Variants in LGALS3 observed in about 807,000 individuals in gnomAD.
The protein encoded by LGALS3 is galectin 3, also known as galectin-3.
In LGALS3, 18 loss-of-function variants were observed where a neutral mutation model predicts 20.7. The observed-to-expected ratio is 0.87, with a 90% CI of 0.60 to 1.29. The LOEUF is 1.29. Ranked by LOEUF, LGALS3 falls within the 50% of genes most tolerant of loss-of-function variation. LGALS3 has a pLI of 0.00. For synonymous variants in LGALS3, 112 were observed against 119.6 expected (o/e 0.94, Z 0.42); for missense variants, 315 against 314.7 (o/e 1.00, Z -0.01).
Position 55,142,697 on chromosome 14 carries a change from G to T in LGALS3, c.545G>T (p.Gly182Val). 6.2e-7 allele frequency: 1 copy of T among 1,613,920 alleles called. No homozygotes were observed. Among genetic ancestry groups the T allele is most frequent in the Non-Finnish European group, 8.5e-7 (1 of 1,179,822 alleles). The part of the protein sequence containing the change: ...VCNTKLDNNW[G>V]REERQSVFPF... ...AATACAAAGCTGGATAATAACTGGGGAAGGGAAGAAAGACAGTCGGTTTTC... is the reference window on the plus strand; with the variant it reads ...AATACAAAGCTGGATAATAACTGGGTAAGGGAAGAAAGACAGTCGGTTTTC... The change falls in exon 5 of 6, where the codon GGA (glycine) becomes GTA (valine). Residue 182 changes from glycine (G) to valine (V), a missense_variant. Transcript: ENST00000254301.
At chr14:55,140,385 A>C in intron 4 of LGALS3, 22 bp downstream of exon 4, 1 of 1,489,540 alleles carries the variant, frequency 6.7e-7, no homozygotes, top group Non-Finnish European at 9.3e-7. Context: ...AAAATTAACA[A>C]GTCTACTCTA....
intron 4 of LGALS3, among the ~76,000 whole-genome samples, chr14:55,142,196 T>C (rs1045389207): frequency 6.6e-6 from 1 of 152,146 alleles, no homozygotes; most frequent in African/African-American, 2.4e-5. Flanking sequence ...GAAAGCAAAC[T>C]GGAAGAGCAG....
intron 1 of LGALS3, among the ~76,000 whole-genome samples, chr14:55,131,997 G>T (rs1462440799): frequency 2.0e-5 from 3 of 152,240 alleles, no homozygotes; most frequent in Non-Finnish European, 4.4e-5. Context: ...TAGGGGCTCA[G>T]GAAGTAGTCT....
chr14:55,134,810 A>C (rs1594650249), intron 1 of LGALS3, among the ~76,000 whole-genome samples: 1 of 152,316 alleles, frequency 6.6e-6, no homozygotes, highest in South Asian at 2.1e-4. Flanking sequence ...GAAAATGGGC[A>C]TGGTCATAAC....
At chr14:55,140,965 G>A (rs1476832219) in intron 4 of LGALS3, among the ~76,000 whole-genome samples, 1 of 152,122 alleles carries the variant, frequency 6.6e-6, no homozygotes, top group African/African-American at 2.4e-5. Flanking sequence ...ATCATACAAG[G>A]AAGCTGGCCA....
chr14:55,140,271 C>A lies in LGALS3; in HGVS notation c.343-4C>A. ...TTGACACATATGTACTTGTTAATTCCCAGATTGTGCCTTATAACCTGCCTT... is the reference window on the plus strand; with the variant it reads ...TTGACACATATGTACTTGTTAATTCACAGATTGTGCCTTATAACCTGCCTT... On this transcript the variant is annotated splice_polypyrimidine_tract_variant and splice_region_variant and intron_variant, in intron 3 of 5. Coordinates refer to ENST00000254301, the MANE Select transcript of LGALS3 (RefSeq NM_002306.4). The A allele has an allele frequency of 6.2e-7, 1 of 1,603,926 alleles. No homozygotes were observed. The highest frequency in any genetic ancestry group is 8.5e-7 in the Non-Finnish European group (1 of 1,171,400).
chr14:55,130,799 C>G lies in LGALS3; in HGVS notation c.-5+1499C>G, dbSNP rs539920020. ...ATGTTGGTCAGGCTGGTCTCGAACCCCCGACCTCAGGTGACCCGCCTGCCT... is the reference window on the plus strand; with the variant it reads ...ATGTTGGTCAGGCTGGTCTCGAACCGCCGACCTCAGGTGACCCGCCTGCCT... On this transcript the variant is annotated intron_variant, in intron 1 of 5. Coordinates refer to ENST00000254301, the MANE Select transcript of LGALS3 (RefSeq NM_002306.4). Among the ~76,000 whole-genome samples the G allele has an allele frequency of 2.2e-4, 34 of 151,810 alleles. 1 individual carries two copies. The South Asian group carries it at 7.1e-3, about 32-fold the overall frequency.
chr14:55,144,109 G>A (rs779767421), intron 5 of LGALS3, among the ~76,000 whole-genome samples: 3 of 152,180 alleles, frequency 2.0e-5, no homozygotes, highest in East Asian at 1.9e-4. Flanking sequence ...TCCTATTTTC[G>A]TGTTTTTCTT....
At chr14:55,134,239 G>C (rs976870805) in intron 1 of LGALS3, among the ~76,000 whole-genome samples, 3 of 152,174 alleles carry the variant, frequency 2.0e-5, no homozygotes, top group Non-Finnish European at 4.4e-5. Flanking sequence ...TTGGAGTGTG[G>C]TATGCTGGAG....
chr14:55,141,423 T>C (rs971232293), intron 4 of LGALS3, among the ~76,000 whole-genome samples: 4 of 152,230 alleles, frequency 2.6e-5, no homozygotes, highest in East Asian at 1.9e-4. Context: ...ACAGCACTCA[T>C]GATTTATTAA....
At chr14:55,141,130 C>A (rs1490661201) in intron 4 of LGALS3, among the ~76,000 whole-genome samples, 1 of 152,178 alleles carries the variant, frequency 6.6e-6, no homozygotes, top group Non-Finnish European at 1.5e-5. Context: ...TGCTCCACAT[C>A]CTGCAATCAA....
Position 55,138,139 on chromosome 14 carries a change from G to A in LGALS3, c.113G>A (p.Gly38Glu). 4 of 1,582,304 alleles carry A rather than the reference G, an allele frequency of 2.5e-6. No individual in the cohort carries two copies. The highest frequency in any genetic ancestry group is 3.4e-6 in the Non-Finnish European group (4 of 1,167,564). Residue 38 changes from glycine to glutamate, a missense_variant, in exon 3 of 6, where the codon GGG (glycine) becomes GAG (glutamate). Gly to Glu is a moderately conservative substitution (Grantham distance 98). Transcript: ENST00000254301. ...CCTGCTGGGGCAGGGGGCTACCCAG[G>A]GGCTTCCTATCCTGGGGCCTACCCC... ...NQPAGAGGYP[G>E]ASYPGAYPGQ...
chr14:55,138,133 A>AC lies in LGALS3; in HGVS notation c.110dup (p.Gly38ArgfsTer82). 1 of 1,579,266 alleles carries AC rather than the reference A, an allele frequency of 6.3e-7. No individual in the cohort carries two copies. Among genetic ancestry groups the AC allele is most frequent in the Non-Finnish European group, 8.6e-7 (1 of 1,166,172 alleles). ...AACCAGCCTGCTGGGGCAGGGGGCTACCCAGGGGCTTCCTATCCTGGGGCC... is the reference window on the plus strand; with the variant it reads ...AACCAGCCTGCTGGGGCAGGGGGCTACCCCAGGGGCTTCCTATCCTGGGGCC... On this transcript the variant is annotated frameshift_variant, in exon 3 of 6. Coordinates refer to ENST00000254301, the MANE Select transcript of LGALS3 (RefSeq NM_002306.4). LOFTEE classifies it high-confidence loss of function.
Position 55,138,343 on chromosome 14 carries a change from C to A in LGALS3, c.317C>A (p.Pro106His). The change falls in exon 3 of 6, where the codon CCC becomes CAC. Residue 106 changes from proline (P) to histidine (H), a missense_variant. Coordinates refer to ENST00000254301, the MANE Select transcript of LGALS3 (RefSeq NM_002306.4). Reference sequence around the variant, plus strand: ...ACCGGAGCCTACCCTGCCACTGGCCCCTATGGCGCCCCTGCTGGGCCACTG... The same window carrying A: ...ACCGGAGCCTACCCTGCCACTGGCCACTATGGCGCCCCTGCTGGGCCACTG... ...SATGAYPATG[P>H]YGAPAGPLIV... is the part of the protein sequence containing the mutation. 3.7e-6 allele frequency: 6 copies of A among 1,612,880 alleles called. No individual in the cohort carries two copies. The highest frequency in any genetic ancestry group is 5.1e-6 in the Non-Finnish European group (6 of 1,179,932).
At chr14:55,140,110 T>C (rs1881565419) in intron 3 of LGALS3, among the ~76,000 whole-genome samples, 165 bp from the exon 4 acceptor site, 1 of 152,346 alleles carries the variant, frequency 6.6e-6, no homozygotes, top group East Asian at 1.9e-4. Flanking sequence ...GGGAGCCTTA[T>C]CTCTTTGGCC....
At chr14:55,140,688 G>T (rs1006613066) in intron 4 of LGALS3, among the ~76,000 whole-genome samples, 1 of 152,120 alleles carries the variant, frequency 6.6e-6, no homozygotes, top group Non-Finnish European at 1.5e-5. Context: ...CCTTTTTATA[G>T]ACAAAACTGA....
chr14:55,144,783 C>G (rs1229999941), intron 5 of LGALS3, among the ~76,000 whole-genome samples: 1 of 152,016 alleles, frequency 6.6e-6, no homozygotes, highest in Non-Finnish European at 1.5e-5. Context: ...CCAGGATGGT[C>G]TCGATCTCCT....
intron 4 of LGALS3, among the ~76,000 whole-genome samples, chr14:55,141,657 G>GA (rs35566145): frequency 1.3e-5 from 2 of 151,344 alleles, no homozygotes; most frequent in African/African-American, 2.4e-5. Context: ...GAACTGTGTA[G>GA]AAAAAAAAAG....
At chr14:55,142,227 A>G (rs1246811308) in intron 4 of LGALS3, among the ~76,000 whole-genome samples, 1 of 152,208 alleles carries the variant, frequency 6.6e-6, no homozygotes. Context: ...ACCATTATCT[A>G]TAGTAAGGGA....
Sources: gnomAD v4.1 joint callset for allele counts (sites outside exome capture counted in the v4.1 genomes callset) on GRCh38, gnomAD v4.1.1 for gene constraint, MANE v1.5 for transcripts, NCBI Gene and HGNC (gene_info 2026-07-23, HGNC 2026-07-21) for gene names.